Variants in CFAP74 observed in about 807,000 individuals in gnomAD.
CFAP74 encodes the protein cilia and flagella associated protein 74, also known as cilia- and flagella-associated protein 74.
In CFAP74, 124 loss-of-function variants were observed where a neutral mutation model predicts 188.9. The observed-to-expected ratio is 0.66, with a 90% CI of 0.57 to 0.76. CFAP74 has a LOEUF of 0.76. Ranked by LOEUF, CFAP74 falls within the 30% of genes least tolerant of loss-of-function variation. The pLI, the probability that CFAP74 is intolerant of heterozygous loss-of-function variation, is 0.00. For synonymous variants in CFAP74, 956 were observed against 916.7 expected (o/e 1.04, Z -0.77); for missense variants, 2,198 against 2,165.2 (o/e 1.02, Z -0.30).
chr1:1,978,931 TG>T (rs1656619062), intron 6 of CFAP74, among the ~76,000 whole-genome samples: 1 of 151,486 alleles, frequency 6.6e-6, no homozygotes, highest in Non-Finnish European at 1.5e-5. Flanking sequence ...AGGCATCATG[TG>T]ACGAGGCTGC....
At chr1:1,988,382 G>A in intron 4 of CFAP74, 130 bp downstream of exon 4, 1 of 1,124,082 alleles carries the variant, frequency 8.9e-7, no homozygotes, top group Non-Finnish European at 1.3e-6. Flanking sequence ...CTCCTCCATG[G>A]AGACCCTGTG....
rs148374313 is a variant in CFAP74, at chr1:1,986,358, C to T, written c.395+579G>A. On this transcript the variant is annotated intron_variant, in intron 5 of 38. Coordinates refer to ENST00000682832, the MANE Select transcript of CFAP74 (RefSeq NM_001304360.2). ...CCCGAAGCCCCTCACCCCCCAGGGC[C>T]GGGAGGACCTGCTGGTTCCCTTGCC... Among the ~76,000 whole-genome samples the T allele has an allele frequency of 9.2e-3, 1,400 of 152,316 alleles. 10 individuals carry two copies. The highest frequency in any genetic ancestry group is 0.016 in the Admixed American group (251 of 15,306).
intron 6 of CFAP74, among the ~76,000 whole-genome samples, chr1:1,978,505 T>C (rs953770390): frequency 6.6e-6 from 1 of 152,156 alleles, no homozygotes; most frequent in African/African-American, 2.4e-5. Flanking sequence ...AAGTCCAGTT[T>C]ATCTGAAGAG....
intron 16 of CFAP74, 136 bp from the exon 17 acceptor site, chr1:1,956,920 G>A (rs756974559): frequency 3.8e-5 from 33 of 866,818 alleles, no homozygotes; most frequent in South Asian, 5.1e-5. Context: ...GCAGGTACAC[G>A]ATTCAACCCA....
chr1:1,965,114 C>T (rs28625839), intron 12 of CFAP74, 53 bp from the exon 13 acceptor site: 366,366 of 1,553,880 alleles, frequency 0.24, 44,305 homozygotes, highest in Non-Finnish European at 0.25. Context: ...ACCTGGGCGG[C>T]GCCGGTGGCA....
intron 1 of CFAP74, among the ~76,000 whole-genome samples, chr1:1,994,628 C>T (rs1657813881): frequency 6.6e-6 from 1 of 152,216 alleles, no homozygotes; most frequent in Non-Finnish European, 1.5e-5. Flanking sequence ...ACCTATTCAG[C>T]TCTGTGCTTG....
chr1:1,966,632 C>T (rs1458158325), intron 11 of CFAP74, 106 bp from the exon 12 acceptor site: 3 of 1,083,978 alleles, frequency 2.8e-6, no homozygotes, highest in East Asian at 2.9e-5. Context: ...TGCCCCCGTT[C>T]TTCTGCCTCA....
chr1:1,934,564 C>T (rs79968028), intron 25 of CFAP74, among the ~76,000 whole-genome samples: 3 of 127,224 alleles, frequency 2.4e-5, no homozygotes, highest in Admixed American at 2.3e-4. Context: ...TAGGTACACA[C>T]GTGTGTACGT....
intron 27 of CFAP74, among the ~76,000 whole-genome samples, chr1:1,928,472 C>CGG (rs1652095573): frequency 6.6e-6 from 1 of 152,302 alleles, no homozygotes; most frequent in East Asian, 1.9e-4. Context: ...GTGCGCCTCC[C>CGG]GGGGCCTCCA....
Position 1,923,661 on chromosome 1 carries a change from GT to G in CFAP74, c.4389+113del. On this transcript the variant is annotated intron_variant, in intron 35 of 38. Coordinates refer to ENST00000682832, the MANE Select transcript of CFAP74 (RefSeq NM_001304360.2). This position sits in a 1 kb window ranked among gnomAD's most constrained non-coding sequence, Gnocchi z 6.3. The stretch of plus-strand genomic sequence containing the variant: ...CTGACGGCCCTCAGTGTGGTGCTGA[GT>G]CCCCCAGCCATGGTACCCTCAGGGC... 6.4e-7 allele frequency: 1 copy of G among 1,555,544 alleles called. No individual in the cohort carries two copies. Among genetic ancestry groups the G allele is most frequent in the Admixed American group, 1.7e-5 (1 of 57,614 alleles).
At chr1:1,966,581 A>C (rs950562542) in intron 11 of CFAP74, 55 bp from the exon 12 acceptor site, 1 of 1,400,352 alleles carries the variant, frequency 7.1e-7, no homozygotes, top group African/African-American at 1.5e-5. Flanking sequence ...AGAACAGGGA[A>C]GAGAAACTCG....
At chr1:1,922,947 G>T in intron 37 of CFAP74, 38 bp downstream of exon 37, 1 of 1,538,042 alleles carries the variant, frequency 6.5e-7, no homozygotes, top group Non-Finnish European at 8.7e-7. Context: ...GAGGCCGAGG[G>T]GGCTGCCTGG....
chr1:1,947,149 T>C (rs1653828981), intron 18 of CFAP74, 95 bp from the exon 19 acceptor site: 2 of 888,392 alleles, frequency 2.3e-6, no homozygotes, highest in East Asian at 5.3e-5. Context: ...TCCAAACCCA[T>C]ATCCTGGGCT....
rs747019768 is a variant in CFAP74, at chr1:1,970,695, T to A, written c.1010A>T (p.His337Leu). Residue 337 changes from histidine (H) to leucine (L), a missense_variant, in exon 10 of 39, where the codon CAC (histidine) becomes CTC (leucine). By Grantham distance (99) the His-to-Leu change is moderately conservative (BLOSUM62 -3). Transcript: ENST00000682832. The part of the protein sequence containing the change: ...QGRDAFRHLV[H>L]QRRRQELEAQ... ...CTCCAGCTCCTGGCGCCGGCGCTGG[T>A]GGACAAGGTGCCTGAATGCATCCCT... 3.1e-6 allele frequency: 5 copies of A among 1,613,496 alleles called. No individual in the cohort carries two copies. The East Asian group carries it at 6.7e-5, about 22-fold the overall frequency.
At position 1,959,982 on chromosome 1, in the gene CFAP74, A is replaced by G. The variant is rs1408573981; in HGVS notation, c.1743T>C (p.Leu581=). Residue 581 remains leucine (L), a synonymous_variant, in exon 15 of 39, where the codon CTT becomes CTC. Coordinates refer to ENST00000682832, the MANE Select transcript of CFAP74 (RefSeq NM_001304360.2). Reference sequence around the variant, plus strand: ...GACTCACCATCGGCTTGAAGGTGACAAGCACTTCACAGGACATTCCGGCTG... The same window carrying G: ...GACTCACCATCGGCTTGAAGGTGACGAGCACTTCACAGGACATTCCGGCTG... ...PLSAGMSCEV[L]VTFKPMINKD... 6.3e-7 allele frequency: 1 copy of G among 1,594,724 alleles called. No individual in the cohort carries two copies. Among genetic ancestry groups the G allele is most frequent in the Non-Finnish European group, 8.5e-7 (1 of 1,171,614 alleles).
chr1:1,941,949 G>A, intron 22 of CFAP74, 79 bp downstream of exon 22: 2 of 1,345,730 alleles, frequency 1.5e-6, no homozygotes, highest in Non-Finnish European at 1.9e-6. Flanking sequence ...GAACAGAGGA[G>A]TGGCCAGTGG....
At chr1:1,947,945 T>G (rs970787965) in intron 18 of CFAP74, among the ~76,000 whole-genome samples, 3 of 152,140 alleles carry the variant, frequency 2.0e-5, no homozygotes, top group African/African-American at 7.2e-5. Flanking sequence ...TGATCTTGAC[T>G]CACTGCAACT....
At chr1:1,989,170 G>A (rs1227685349) in intron 2 of CFAP74, among the ~76,000 whole-genome samples, 197 bp from the exon 3 acceptor site, 1 of 152,192 alleles carries the variant, frequency 6.6e-6, no homozygotes, top group Non-Finnish European at 1.5e-5. Context: ...GAGAGAGAGA[G>A]AGAGAGTCAG....
chr1:1,956,582 G>C, intron 17 of CFAP74, 38 bp downstream of exon 17: 1 of 1,612,382 alleles, frequency 6.2e-7, no homozygotes, highest in Non-Finnish European at 8.5e-7. Flanking sequence ...TTGGGGGGCA[G>C]GTCCCCACAC....
Sources: gnomAD v4.1 joint callset for allele counts (sites outside exome capture counted in the v4.1 genomes callset) on GRCh38, gnomAD v4.1.1 for gene constraint, Gnocchi (gnomAD v3.1) non-coding constraint, MANE v1.5 for transcripts, NCBI Gene and HGNC (gene_info 2026-07-23, HGNC 2026-07-21) for gene names.